Variants in RIPOR2 observed in about 807,000 individuals in gnomAD.
RIPOR2 encodes the protein rho family-interacting cell polarization regulator 2.
A neutral mutation model predicts 114.5 loss-of-function variants in RIPOR2; 39 were observed. The observed-to-expected ratio is 0.34, with a 90% confidence interval of 0.26 to 0.44. RIPOR2 has a LOEUF of 0.44. Ranked by LOEUF, RIPOR2 falls within the 20% of genes least tolerant of loss-of-function variation. The pLI, the probability that RIPOR2 is intolerant of heterozygous loss-of-function variation, is 1.00. For missense variants in RIPOR2, 1,007 were observed against 1,255.1 expected (o/e 0.80, Z 2.99); for synonymous variants, 445 against 484.4 (o/e 0.92, Z 1.07).
At chr6:24,911,308 GGAGT>G (rs1306809459) in intron 1 of RIPOR2, 1 of 152,286 alleles carries the variant, frequency 6.6e-6, no homozygotes, top group Non-Finnish European at 1.5e-5. Flanking sequence ...CGGCAGCTTT[GGAGT>G]GACCCGTGGA....
At chr6:24,856,793 A>T (rs2113810146) in intron 8 of RIPOR2, among the ~76,000 whole-genome samples, 1 of 152,318 alleles carries the variant, frequency 6.6e-6, no homozygotes, top group Middle Eastern at 3.4e-3. Flanking sequence ...GTTCAGGATT[A>T]ATCTATTGCC....
At chr6:24,828,681 C>T (rs1760404611) in intron 17 of RIPOR2, among the ~76,000 whole-genome samples, 1 of 151,790 alleles carries the variant, frequency 6.6e-6, no homozygotes, top group Admixed American at 6.6e-5. Flanking sequence ...CTACCCTTCC[C>T]TTCCCTTATA....
chr6:25,011,199 T>C (rs1775763525), intron 1 of RIPOR2, among the ~76,000 whole-genome samples: 1 of 152,176 alleles, frequency 6.6e-6, no homozygotes, highest in African/African-American at 2.4e-5. Context: ...TTACATGTTT[T>C]AATATTTTAT....
At chr6:24,928,648 C>T (rs1771148103) in intron 1 of RIPOR2, among the ~76,000 whole-genome samples, 1 of 152,176 alleles carries the variant, frequency 6.6e-6, no homozygotes, top group Non-Finnish European at 1.5e-5. Flanking sequence ...CCCAATAATT[C>T]AAAGGCAAAG....
At chr6:24,995,775 T>C (rs1434537363) in intron 1 of RIPOR2, among the ~76,000 whole-genome samples, 1 of 152,060 alleles carries the variant, frequency 6.6e-6, no homozygotes, top group Non-Finnish European at 1.5e-5. Flanking sequence ...ATCCCAAATC[T>C]ACTCTCAAAT....
At chr6:25,014,471 G>C (rs1775889557) in intron 1 of RIPOR2, among the ~76,000 whole-genome samples, 1 of 152,154 alleles carries the variant, frequency 6.6e-6, no homozygotes, top group East Asian at 1.9e-4. Context: ...ATAACTAATA[G>C]AAGCTATTTC....
intron 1 of RIPOR2, among the ~76,000 whole-genome samples, chr6:24,923,716 C>T (rs528655503): frequency 1.1e-3 from 164 of 152,120 alleles, no homozygotes; most frequent in African/African-American, 2.7e-3. Context: ...GACGTGATGG[C>T]GCATGCCTGT....
In RIPOR2 at chr6:25,024,494, G is replaced by T. The variant is rs1044606623; in HGVS notation, c.76+17357C>A. 14 of 791,474 alleles carry T rather than the reference G, an allele frequency of 1.8e-5. No individual in the cohort carries two copies. The African/African-American group carries it at 2.2e-4, about 12-fold the overall frequency. 49.0% of individuals were successfully genotyped at this position (791,474 alleles called of 1,614,324 possible). A position where few individuals can be genotyped will look rare whatever the true frequency, so the allele number is the denominator to read the frequency against. The stretch of plus-strand genomic sequence containing the variant: ...AGCCTTTGCTGGACATAGTGTCTGG[G>T]ATTGGAGGCGCGAGTTCCCAGCGTC... On this transcript the variant is annotated intron_variant, in intron 1 of 13. Transcript: ENST00000510784.
chr6:24,921,569 G>A (rs1196791468), intron 1 of RIPOR2, among the ~76,000 whole-genome samples: 1 of 151,956 alleles, frequency 6.6e-6, no homozygotes, highest in East Asian at 1.9e-4. Flanking sequence ...CAAACCTCTG[G>A]GCATTTGTCA....
chr6:24,987,771 A>G (rs1262413332), intron 1 of RIPOR2, among the ~76,000 whole-genome samples: 1 of 152,242 alleles, frequency 6.6e-6, no homozygotes, highest in African/African-American at 2.4e-5. Flanking sequence ...CATGGGATAA[A>G]TCAGAAGACC....
rs1216853476 is a variant in RIPOR2, at chr6:25,037,031, C to T, written c.76+4820G>A. The stretch of plus-strand genomic sequence containing the variant: ...GCCCTTCATACTGCCTCAAATGCCA[C>T]TATTACCATTTTTAGGCCCTCAGCT... On this transcript the variant is annotated intron_variant, in intron 1 of 13. Coordinates refer to the RIPOR2 transcript ENST00000510784. This position sits in a 1 kb window ranked among gnomAD's most constrained non-coding sequence, Gnocchi z 4.5. Among the ~76,000 whole-genome samples, 1 of 152,180 alleles carries T rather than the reference C, an allele frequency of 6.6e-6. No individual in the cohort carries two copies. Among genetic ancestry groups the T allele is most frequent in the Non-Finnish European group, 1.5e-5 (1 of 68,022 alleles).
chr6:24,960,685 G>T (rs9393596), intron 1 of RIPOR2, among the ~76,000 whole-genome samples: 1 of 151,854 alleles, frequency 6.6e-6, no homozygotes, highest in Non-Finnish European at 1.5e-5. Flanking sequence ...CACCTGTAGT[G>T]CACCTGGCTA....
intron 12 of RIPOR2, 96 bp from the exon 13 acceptor site, chr6:24,843,650 T>G: frequency 1.1e-6 from 1 of 895,012 alleles, no homozygotes; most frequent in Non-Finnish European, 1.6e-6. Context: ...GCAATTACAA[T>G]GAAAAAACCC....
chr6:24,843,209 C>G lies in RIPOR2; in HGVS notation c.1510G>C (p.Gly504Arg), dbSNP rs373153256. The change falls in exon 13 of 22, where the codon GGT (glycine) becomes CGT (arginine). Residue 504 changes from glycine to arginine, a missense_variant. Transcript: ENST00000643898. ...AGGAACAGGTGCTCAGCCCCAGCACCTGAGGACTGTCGGCGGCAAGCCTCA... is the reference window on the plus strand; with the variant it reads ...AGGAACAGGTGCTCAGCCCCAGCACGTGAGGACTGTCGGCGGCAAGCCTCA... The part of the protein sequence containing the change: ...PSEACRRQSS[G>R]AGAEHLFLEN... The G allele has an allele frequency of 1.9e-6, 3 of 1,614,038 alleles. No individual in the cohort carries two copies. Among genetic ancestry groups the G allele is most frequent in the Non-Finnish European group, 2.5e-6 (3 of 1,179,890 alleles).
chr6:24,977,221 C>CAT (rs1257815241), intron 1 of RIPOR2, among the ~76,000 whole-genome samples: 1 of 151,194 alleles, frequency 6.6e-6, no homozygotes, highest in Non-Finnish European at 1.5e-5. Flanking sequence ...AAACTCACTG[C>CAT]ATATATATAG....
At chr6:24,885,301 C>T (rs956630203) in intron 1 of RIPOR2, among the ~76,000 whole-genome samples, 1 of 152,182 alleles carries the variant, frequency 6.6e-6, no homozygotes, top group Non-Finnish European at 1.5e-5. Flanking sequence ...TAGCTCACTG[C>T]AGCCTCAATC....
At chr6:24,808,496 C>A (rs1318089733) in intron 21 of RIPOR2, among the ~76,000 whole-genome samples, 21 of 152,046 alleles carry the variant, frequency 1.4e-4, no homozygotes, top group African/African-American at 4.8e-4. Flanking sequence ...TGGAAGAAAT[C>A]ATATATTCAA....
chr6:24,908,246 CT>C (rs140213053), intron 1 of RIPOR2, among the ~76,000 whole-genome samples: 1 of 152,348 alleles, frequency 6.6e-6, no homozygotes, highest in African/African-American at 2.4e-5. Flanking sequence ...TCTATCACCA[CT>C]TCCTCCCAAG....
intron 1 of RIPOR2, among the ~76,000 whole-genome samples, chr6:24,897,092 A>G (rs377632008): frequency 1.3e-5 from 2 of 152,208 alleles, no homozygotes; most frequent in East Asian, 1.9e-4. Context: ...TTCACACTGT[A>G]TATTTCTCAA....
Sources: gnomAD v4.1 joint callset for allele counts (sites outside exome capture counted in the v4.1 genomes callset) on GRCh38, gnomAD v4.1.1 for gene constraint, Gnocchi (gnomAD v3.1) non-coding constraint, MANE v1.5 for transcripts, NCBI Gene and HGNC (gene_info 2026-07-23, HGNC 2026-07-21) for gene names.